The following OSBPL8 variants were observed in gnomAD, a reference collection of about 807,000 sequenced individuals.
OSBPL8 encodes oxysterol-binding protein-related protein 8.
In OSBPL8, 59 loss-of-function variants were observed where a neutral mutation model predicts 125.5. That is an observed-to-expected ratio of 0.47 (90% CI 0.38 to 0.58). The LOEUF (loss-of-function observed/expected upper bound fraction) is 0.58. Ranked by LOEUF, OSBPL8 falls within the 20% of genes least tolerant of loss-of-function variation. OSBPL8 has a pLI of 0.00. For missense variants in OSBPL8, 758 were observed against 1,047.8 expected (o/e 0.72, Z 3.82); for synonymous variants, 330 against 338.9 (o/e 0.97, Z 0.29).
intron 6 of OSBPL8, 152 bp downstream of exon 6, chr12:76,402,537 T>C: frequency 1.5e-6 from 1 of 645,750 alleles, no homozygotes; most frequent in East Asian, 2.8e-5. Flanking sequence ...CATACAAATA[T>C]TAACATTTTC....
chr12:76,372,849 T>C (rs1952671036), intron 18 of OSBPL8, among the ~76,000 whole-genome samples: 5 of 152,218 alleles, frequency 3.3e-5, no homozygotes, highest in Admixed American at 3.3e-4. Context: ...ATTGGAACTA[T>C]GCCTCTTTCT....
At chr12:76,373,647 C>G (rs1952703324) in intron 17 of OSBPL8, among the ~76,000 whole-genome samples, 1 of 151,988 alleles carries the variant, frequency 6.6e-6, no homozygotes, top group South Asian at 2.1e-4. Flanking sequence ...AACAAGCAGA[C>G]TATATTAAAT....
At chr12:76,442,155 A>G (rs1338070942) in intron 4 of OSBPL8, among the ~76,000 whole-genome samples, 1 of 152,184 alleles carries the variant, frequency 6.6e-6, no homozygotes, top group Non-Finnish European at 1.5e-5. Flanking sequence ...GAAACAATTA[A>G]TAAGGCCGGG....
intron 1 of OSBPL8, among the ~76,000 whole-genome samples, chr12:76,527,424 A>G (rs969578139): frequency 1.3e-5 from 2 of 152,224 alleles, no homozygotes; most frequent in African/African-American, 2.4e-5. Context: ...AACCAAAACA[A>G]TATGTTAAAC....
chr12:76,553,122 C>T (rs544092988), intron 1 of OSBPL8, among the ~76,000 whole-genome samples: 3 of 152,254 alleles, frequency 2.0e-5, no homozygotes, highest in East Asian at 1.9e-4. Context: ...TTACTCTACC[C>T]GGTAATAATG....
At chr12:76,370,419 T>C (rs751069898) in intron 19 of OSBPL8, among the ~76,000 whole-genome samples, 2 of 152,194 alleles carry the variant, frequency 1.3e-5, no homozygotes, top group African/African-American at 2.4e-5. Flanking sequence ...AGTTCTTTCT[T>C]CTGTTAAATA....
chr12:76,467,772 C>CG (rs1875643300), intron 2 of OSBPL8, among the ~76,000 whole-genome samples: 1 of 151,938 alleles, frequency 6.6e-6, no homozygotes, highest in Non-Finnish European at 1.5e-5. Flanking sequence ...TCTCAGCCCA[C>CG]TCATTCATTT....
intron 4 of OSBPL8, among the ~76,000 whole-genome samples, chr12:76,440,844 T>C (rs1002463087): frequency 2.0e-5 from 3 of 152,194 alleles, no homozygotes; most frequent in Non-Finnish European, 4.4e-5. Flanking sequence ...CTTCAGAAAT[T>C]AGCAGATGCT....
intron 2 of OSBPL8, among the ~76,000 whole-genome samples, chr12:76,460,468 A>G (rs1874583574): frequency 6.6e-6 from 1 of 151,848 alleles, no homozygotes; most frequent in East Asian, 1.9e-4. Context: ...GGCATCAACA[A>G]AGTAGAACAA....
At chr12:76,518,097 GAA>G (rs1881725464) in intron 1 of OSBPL8, among the ~76,000 whole-genome samples, 1 of 152,142 alleles carries the variant, frequency 6.6e-6, no homozygotes, top group South Asian at 2.1e-4. Context: ...TCAACTCAAT[GAA>G]AAGTCTGAAG....
intron 1 of OSBPL8, among the ~76,000 whole-genome samples, chr12:76,524,700 T>C (rs1417080897): frequency 1.3e-5 from 2 of 151,790 alleles, no homozygotes. Flanking sequence ...TTTTTTTTTT[T>C]TGAGACGGAG....
At chr12:76,482,555 G>A (rs1041944287) in intron 2 of OSBPL8, among the ~76,000 whole-genome samples, 3 of 152,240 alleles carry the variant, frequency 2.0e-5, no homozygotes, top group African/African-American at 7.2e-5. Context: ...AGAGGTTGCA[G>A]TGGGCCAAGA....
chr12:76,533,042 T>C (rs368691137), intron 1 of OSBPL8, among the ~76,000 whole-genome samples: 7 of 152,188 alleles, frequency 4.6e-5, no homozygotes, highest in East Asian at 3.9e-4. Flanking sequence ...GTAACCAAAA[T>C]AGTCTACCTT....
chr12:76,512,126 C>A (rs79260128), intron 1 of OSBPL8, among the ~76,000 whole-genome samples: 3 of 152,132 alleles, frequency 2.0e-5, no homozygotes, highest in Non-Finnish European at 1.5e-5. Context: ...CCTCATATAA[C>A]CCTCCCCGCT....
At chr12:76,486,642 G>A (rs1215548369) in intron 2 of OSBPL8, among the ~76,000 whole-genome samples, 1 of 152,048 alleles carries the variant, frequency 6.6e-6, no homozygotes, top group African/African-American at 2.4e-5. Context: ...AATGTATTAG[G>A]TAAGGTATAC....
In OSBPL8 at chr12:76,549,325, T is replaced by C. The variant is rs1285121589; in HGVS notation, c.-68+10072A>G. ...TGACCTATACACCTCATTATGACTT[T>C]GTAGAAGATACAAAAGAACGGATTC... On this transcript the variant is annotated intron_variant, in intron 1 of 23. Coordinates refer to ENST00000261183, the MANE Select transcript of OSBPL8 (RefSeq NM_020841.5). Among the ~76,000 whole-genome samples, 3 of 152,202 alleles carry C rather than the reference T, an allele frequency of 2.0e-5. No individual in the cohort carries two copies. The East Asian group carries it at 5.8e-4, about 29-fold the overall frequency.
At chr12:76,514,271 A>G (rs1250566366) in intron 1 of OSBPL8, among the ~76,000 whole-genome samples, 1 of 151,126 alleles carries the variant, frequency 6.6e-6, no homozygotes, top group Non-Finnish European at 1.5e-5. Context: ...TAGCCTCCCA[A>G]GTAGCTGGGG....
At chr12:76,525,329 T>C (rs1210648863) in intron 1 of OSBPL8, among the ~76,000 whole-genome samples, 1 of 152,218 alleles carries the variant, frequency 6.6e-6, no homozygotes, top group African/African-American at 2.4e-5. Flanking sequence ...TAACACAATC[T>C]CTGAAGGTCT....
At chr12:76,441,782 G>A (rs1340243695) in intron 4 of OSBPL8, among the ~76,000 whole-genome samples, 1 of 151,928 alleles carries the variant, frequency 6.6e-6, no homozygotes, top group Non-Finnish European at 1.5e-5. Context: ...ACTGGAGGCT[G>A]GGAAGAGTAG....
Sources: gnomAD v4.1 joint callset for allele counts (sites outside exome capture counted in the v4.1 genomes callset) on GRCh38, gnomAD v4.1.1 for gene constraint, MANE v1.5 for transcripts, NCBI Gene and HGNC (gene_info 2026-07-23, HGNC 2026-07-21) for gene names.